The following FBXL13 variants were observed in gnomAD, a reference collection of about 807,000 sequenced individuals.
FBXL13 encodes the protein F-box and leucine-rich repeat protein 13.
A neutral mutation model predicts 83.6 loss-of-function variants in FBXL13; 67 were observed. That is an observed-to-expected ratio of 0.80 (90% confidence interval 0.66 to 0.98). The LOEUF (loss-of-function observed/expected upper bound fraction) is 0.98. Among genes scored for constraint, FBXL13 ranks in the 50% least tolerant of loss-of-function variants. The pLI, the probability that FBXL13 is intolerant of heterozygous loss-of-function variation, is 0.00. For missense variants in FBXL13, 822 were observed against 866.5 expected, an observed-to-expected ratio of 0.95 and a Z score of 0.64; for synonymous variants, 272 against 299.5, an observed-to-expected ratio of 0.91 and a Z score of 0.95.
At chr7:103,037,537 G>T (rs1795191360) in intron 2 of FBXL13, among the ~76,000 whole-genome samples, 1 of 152,006 alleles carries the variant, frequency 6.6e-6, no homozygotes, top group African/African-American at 2.4e-5. Flanking sequence ...AGACACAGTG[G>T]GTCACGCCTA....
At chr7:102,893,887 A>G (rs1231849358) in intron 11 of FBXL13, among the ~76,000 whole-genome samples, 1 of 150,706 alleles carries the variant, frequency 6.6e-6, no homozygotes, top group Non-Finnish European at 1.5e-5. Flanking sequence ...AAGAAAAAGA[A>G]AGAGAGGAAG....
intron 6 of FBXL13, among the ~76,000 whole-genome samples, chr7:102,970,446 AT>A (rs1261952160): frequency 6.6e-6 from 1 of 152,192 alleles, no homozygotes; most frequent in Non-Finnish European, 1.5e-5. Context: ...TCCAATTTGA[AT>A]TTGTTACCTT....
intron 19 of FBXL13, among the ~76,000 whole-genome samples, chr7:102,818,277 T>C (rs1394474170): frequency 6.6e-6 from 1 of 152,344 alleles, no homozygotes; most frequent in South Asian, 2.1e-4. Flanking sequence ...GAATGTAATA[T>C]AAAGGCGAAG....
At chr7:102,817,044 T>C (rs1354479799) in intron 19 of FBXL13, among the ~76,000 whole-genome samples, 2 of 152,232 alleles carry the variant, frequency 1.3e-5, no homozygotes, top group African/African-American at 4.8e-5. Context: ...GACTTTGCTA[T>C]TGTGAATGAT....
chr7:102,911,415 G>C (rs1814661094), intron 11 of FBXL13, among the ~76,000 whole-genome samples: 2 of 152,152 alleles, frequency 1.3e-5, no homozygotes, highest in Non-Finnish European at 2.9e-5. Flanking sequence ...TATAGTTAAG[G>C]GGCAGGCTTA....
At chr7:102,995,119 A>G (rs183666081) in intron 6 of FBXL13, among the ~76,000 whole-genome samples, 2 of 152,096 alleles carry the variant, frequency 1.3e-5, no homozygotes, top group Admixed American at 6.5e-5. Context: ...GACTTTATAA[A>G]TCTGGGCCCC....
chr7:102,883,749 G>A (rs1387630880), intron 12 of FBXL13, 64 bp from the exon 14 acceptor site: 1 of 1,008,324 alleles, frequency 9.9e-7, no homozygotes, highest in African/African-American at 1.6e-5. Flanking sequence ...AGGTAATGAA[G>A]TCACTTTTTC....
At chr7:103,073,801 G>A (rs1799294110) in intron 1 of FBXL13, among the ~76,000 whole-genome samples, 1 of 151,910 alleles carries the variant, frequency 6.6e-6, no homozygotes, top group African/African-American at 2.4e-5. Context: ...CCTCCCAACC[G>A]CCTAGGAGCG....
intron 18 of FBXL13, among the ~76,000 whole-genome samples, chr7:102,828,639 G>A (rs919877885): frequency 6.6e-6 from 1 of 152,014 alleles, no homozygotes; most frequent in Admixed American, 6.6e-5. Context: ...GTAAAATGAG[G>A]GTAATTTAAA....
At chr7:102,924,264 T>C (rs1205245246) in intron 10 of FBXL13, among the ~76,000 whole-genome samples, 4 of 150,686 alleles carry the variant, frequency 2.7e-5, no homozygotes, top group Non-Finnish European at 4.4e-5. Context: ...AAAGTAAAAC[T>C]ATGCTTAGCT....
chr7:102,946,668 T>G (rs1433921109), intron 8 of FBXL13, among the ~76,000 whole-genome samples: 1 of 150,760 alleles, frequency 6.6e-6, no homozygotes, highest in African/African-American at 2.4e-5. Flanking sequence ...ATTTATTTAT[T>G]TATTTATTTA....
At chr7:102,834,090 G>GGAAGGAAGGAAGGAAGGAAGGAAGGA (rs60060071) in intron 17 of FBXL13, among the ~76,000 whole-genome samples, 1 of 70,490 alleles carries the variant, frequency 1.4e-5, no homozygotes, top group East Asian at 3.8e-4. Context: ...GGAAAGAAAA[G>GGAAGGAAGGAAGGAAGGAAGGAAGGA]AAAGAAAGAA....
At chr7:102,833,052 T>G (rs1471579533) in intron 17 of FBXL13, 78 bp from the exon 19 acceptor site, 32 of 1,488,110 alleles carry the variant, frequency 2.2e-5, no homozygotes, top group African/African-American at 2.8e-5. Flanking sequence ...GCTTATTAAA[T>G]GTACATTTCA....
At chr7:102,857,185 T>C (rs998534279) in intron 16 of FBXL13, among the ~76,000 whole-genome samples, 5 of 151,522 alleles carry the variant, frequency 3.3e-5, no homozygotes, top group South Asian at 2.1e-4. Flanking sequence ...AAAGATTTTA[T>C]ATAGCTAAGA....
chr7:102,818,128 A>AT (rs753787391), intron 19 of FBXL13, among the ~76,000 whole-genome samples: 1 of 152,198 alleles, frequency 6.6e-6, no homozygotes, highest in Non-Finnish European at 1.5e-5. Flanking sequence ...AAAAAAGGGA[A>AT]TGTTGGAGCC....
At chr7:102,966,835 A>C (rs115835287) in intron 7 of FBXL13, among the ~76,000 whole-genome samples, 2,246 of 152,338 alleles carry the variant, frequency 0.015, 51 homozygotes, top group African/African-American at 0.05. Flanking sequence ...CATGTTCACA[A>C]ATGTAAACTT....
chr7:102,948,025 C>T (rs570146627), intron 8 of FBXL13, among the ~76,000 whole-genome samples: 7 of 151,894 alleles, frequency 4.6e-5, no homozygotes, highest in African/African-American at 1.4e-4. Flanking sequence ...GTCTCCTGCT[C>T]TGGCAAATTG....
At chr7:103,028,358 A>G (rs1794161090) in intron 4 of FBXL13, among the ~76,000 whole-genome samples, 1 of 152,198 alleles carries the variant, frequency 6.6e-6, no homozygotes, top group African/African-American at 2.4e-5. Flanking sequence ...ATTTATATTC[A>G]TGTATACATA....
At chr7:103,030,865 G>A (rs1011285586) in intron 2 of FBXL13, among the ~76,000 whole-genome samples, 2 of 151,612 alleles carry the variant, frequency 1.3e-5, no homozygotes, top group Non-Finnish European at 2.9e-5. Flanking sequence ...CAGAATTTTT[G>A]TTGTTCTAAT....
Sources: allele counts gnomAD v4.1 joint callset (sites outside exome capture counted in the v4.1 genomes callset), GRCh38; gene constraint gnomAD v4.1.1; transcripts MANE v1.5; gene names NCBI Gene and HGNC (gene_info 2026-07-23, HGNC 2026-07-21).